Variants in CHD1L observed in about 807,000 individuals in gnomAD.
CHD1L encodes the protein chromodomain helicase DNA binding protein 1 like, also known as ATP-dependent chromatin remodeler CHD1L.
CHD1L carries 118 observed loss-of-function variants against 115.9 expected under a neutral mutation model. The ratio of observed to expected loss-of-function variants is 1.02; its 90% confidence interval spans 0.88 to 1.19. The LOEUF is 1.19. Ranked by LOEUF, CHD1L falls within the 50% of genes most tolerant of loss-of-function variation. The pLI is 0.00. For synonymous variants in CHD1L, 411 were observed against 387.1 expected, an observed-to-expected ratio of 1.06 and a Z score of -0.72; for missense variants, 1,179 against 1,065.3, an observed-to-expected ratio of 1.11 and a Z score of -1.49.
At chr1:147,286,642 G>A (rs1417369392) in intron 18 of CHD1L, 142 bp downstream of exon 18, 2 of 726,884 alleles carry the variant, frequency 2.8e-6, no homozygotes, top group East Asian at 5.3e-5. Flanking sequence ...AGAGTCAGGA[G>A]ATATTCCAGA....
rs150536851 is a variant in CHD1L at position 147,293,611 on chromosome 1, G to T, written c.2395G>T (p.Ala799Ser). 1.6e-5 allele frequency: 26 copies of T among 1,613,698 alleles called. No individual in the cohort carries two copies. The African/African-American group carries it at 2.9e-4, about 18-fold the overall frequency. Reference protein sequence around the residue: ...ESRNKGQDLLALIVAQHRDRS... With the variant: ...ESRNKGQDLLSLIVAQHRDRS... ...ATCTAATGGTGGTTCTTTCCAGTTGGCCTTGATTGTGGCTCAGCATCGTGA... is the reference window on the plus strand; with the variant it reads ...ATCTAATGGTGGTTCTTTCCAGTTGTCCTTGATTGTGGCTCAGCATCGTGA... The change falls in exon 21 of 23, where the codon GCC (alanine) becomes TCC (serine). Residue 799 changes from alanine to serine, a missense_variant. Transcript: ENST00000369258.
At chr1:147,273,475 T>A (rs1211860033) in intron 12 of CHD1L, among the ~76,000 whole-genome samples, 1 of 152,176 alleles carries the variant, frequency 6.6e-6, no homozygotes, top group Non-Finnish European at 1.5e-5. Flanking sequence ...CCTAATAAAA[T>A]TAATAACATA....
At chr1:147,254,684 A>G (rs985827489) in intron 2 of CHD1L, among the ~76,000 whole-genome samples, 186 bp from the exon 3 acceptor site, 1 of 152,202 alleles carries the variant, frequency 6.6e-6, no homozygotes, top group Non-Finnish European at 1.5e-5. Flanking sequence ...GTGCAAGTAT[A>G]TTGAGGCTTA....
chr1:147,270,434 A>T (rs1185828186), intron 10 of CHD1L, among the ~76,000 whole-genome samples: 1 of 152,174 alleles, frequency 6.6e-6, no homozygotes, highest in East Asian at 1.9e-4. Flanking sequence ...GCTGTAGATG[A>T]GAGGATAGTG....
In CHD1L at chr1:147,278,288, G is replaced by A. The variant is rs587610656; in HGVS notation, c.1540-1738G>A. Among the ~76,000 whole-genome samples, 5 of 138,378 alleles carry A rather than the reference G, an allele frequency of 3.6e-5. No homozygotes were observed. The South Asian group carries it at 1.2e-3, about 34-fold the overall frequency. 90.8% of individuals were successfully genotyped at this position (138,378 alleles called of 152,430 possible). A position where few individuals can be genotyped will look rare whatever the true frequency, so the allele number is the denominator to read the frequency against. ...TTGCCAGGCTGGAGTGCAGTGGCGC[G>A]ATCTCAGCTCACTGCAACCTCTGCC... On this transcript the variant is annotated intron_variant, in intron 14 of 22. Coordinates refer to ENST00000369258, the MANE Select transcript of CHD1L (RefSeq NM_004284.6).
chr1:147,194,428 T>C, the CHD1L span, among the ~76,000 whole-genome samples: 3 of 152,198 alleles, frequency 2.0e-5, no homozygotes, highest in African/African-American at 7.2e-5. Flanking sequence ...GTTTCCTGAA[T>C]ACAGCACACT....
At chr1:147,177,664 C>T in the CHD1L span, among the ~76,000 whole-genome samples, 1 of 152,098 alleles carries the variant, frequency 6.6e-6, no homozygotes, top group South Asian at 2.1e-4. Context: ...TTGCCCCAGC[C>T]TAATCATGAA....
At chr1:147,249,524 G>T (rs1309702593) in intron 1 of CHD1L, among the ~76,000 whole-genome samples, 4 of 148,496 alleles carry the variant, frequency 2.7e-5, no homozygotes, top group Non-Finnish European at 4.4e-5. Context: ...TCGTGCCTCA[G>T]CCTCCCGAGT....
intron 1 of CHD1L, among the ~76,000 whole-genome samples, chr1:147,245,297 G>A (rs1466177851): frequency 1.3e-5 from 2 of 152,182 alleles, no homozygotes; most frequent in Non-Finnish European, 2.9e-5. Context: ...GACACAGAGG[G>A]GTTTGGATTT....
chr1:147,192,040 C>A, the CHD1L span, among the ~76,000 whole-genome samples: 1 of 152,128 alleles, frequency 6.6e-6, no homozygotes, highest in South Asian at 2.1e-4. Flanking sequence ...TTTTCCAATT[C>A]TGTGAAGAAA....
the CHD1L span, among the ~76,000 whole-genome samples, chr1:147,231,163 TAC>T: frequency 2.0e-5 from 3 of 152,316 alleles, no homozygotes; most frequent in African/African-American, 7.2e-5. Context: ...AATTTCCCTC[TAC>T]ACACTGCTTT....
At chr1:147,225,091 A>G in the CHD1L span, 1 of 1,611,156 alleles carries the variant, frequency 6.2e-7, no homozygotes, top group Non-Finnish European at 8.5e-7. Flanking sequence ...ACAAAAGACA[A>G]AAAGCACACA....
the CHD1L span, among the ~76,000 whole-genome samples, chr1:147,193,090 G>A: frequency 1.3e-5 from 2 of 152,146 alleles, no homozygotes; most frequent in African/African-American, 4.8e-5. Context: ...AATGGTACCA[G>A]CTCCTCTTTG....
At chr1:147,285,987 A>G (rs780177724) in intron 17 of CHD1L, among the ~76,000 whole-genome samples, 48 of 152,250 alleles carry the variant, frequency 3.2e-4, no homozygotes, top group Non-Finnish European at 4.9e-4. Flanking sequence ...GTGAGCTACC[A>G]TGCCCGGCCA....
the CHD1L span, chr1:147,186,833 C>T: frequency 6.5e-6 from 10 of 1,531,162 alleles, no homozygotes; most frequent in African/African-American, 4.1e-5. Context: ...GAGTCAATCT[C>T]GTCAGATTCT....
chr1:147,191,742 T>C, the CHD1L span, among the ~76,000 whole-genome samples: 1 of 151,982 alleles, frequency 6.6e-6, no homozygotes, highest in African/African-American at 2.4e-5. Flanking sequence ...TAGCCAGTTT[T>C]CCCAGCACCA....
chr1:147,288,484 C>T (rs1026402422), intron 19 of CHD1L, among the ~76,000 whole-genome samples: 1 of 151,864 alleles, frequency 6.6e-6, no homozygotes, highest in Admixed American at 6.6e-5. Context: ...AATTCAAAAC[C>T]AGCCTCACCA....
At position 147,281,094 on chromosome 1, in the gene CHD1L, C is replaced by T. The variant is rs1013630872; in HGVS notation, c.1705+903C>T. Among the ~76,000 whole-genome samples the T allele has an allele frequency of 2.6e-5, 4 of 152,174 alleles. No homozygotes were observed. In the South Asian group the frequency reaches 8.3e-4, roughly 32 times the overall value. ...CTTTCTCTCTGTGCCACAAACTTGT[C>T]AAAGGATGTCTTCCCACTTCTAAGT... is the stretch of plus-strand genomic sequence containing the variant. On this transcript the variant is annotated intron_variant, in intron 15 of 22. Coordinates refer to ENST00000369258, the MANE Select transcript of CHD1L (RefSeq NM_004284.6).
At chr1:147,287,499 C>A in intron 18 of CHD1L, 136 bp from the exon 19 acceptor site, 1 of 606,906 alleles carries the variant, frequency 1.6e-6, no homozygotes, top group Non-Finnish European at 2.9e-6. Context: ...TGTGATATTC[C>A]TAGGAGATAA....
Sources: allele counts gnomAD v4.1 joint callset (sites outside exome capture counted in the v4.1 genomes callset), GRCh38; gene constraint gnomAD v4.1.1; transcripts MANE v1.5; gene names NCBI Gene and HGNC (gene_info 2026-07-23, HGNC 2026-07-21).